Variants in ZSCAN5B observed in about 807,000 individuals in gnomAD.
ZSCAN5B encodes zinc finger and SCAN domain containing 5B.
In ZSCAN5B, 26 loss-of-function variants were observed where a neutral mutation model predicts 25.2. That is an observed-to-expected ratio of 1.03 (90% CI 0.76 to 1.43). ZSCAN5B has a LOEUF of 1.43. Among genes scored for constraint, ZSCAN5B ranks in the 40% most tolerant of loss-of-function variants. The probability of loss-of-function intolerance (pLI) is 0.00; values close to 1 mark genes in which losing one functional copy is unlikely to be tolerated. For missense variants in ZSCAN5B, 745 were observed against 622.1 expected, an observed-to-expected ratio of 1.20 and a Z score of -2.10; for synonymous variants, 244 against 240.9, an observed-to-expected ratio of 1.01 and a Z score of -0.12.
chr19:56,197,668 C>T (rs1249021678), intron 1 of ZSCAN5B, 66 bp downstream of exon 1: 1 of 916,490 alleles, frequency 1.1e-6, no homozygotes, highest in Non-Finnish European at 1.3e-6. Context: ...TAAACCCAAA[C>T]TTTCTGAAAC....
rs766938726 is a variant in ZSCAN5B at position 56,190,058 on chromosome 19, C to A, written c.1257G>T (p.Arg419=). Residue 419 remains arginine, a synonymous_variant, in exon 5 of 5, where the codon CGG becomes CGT. Coordinates refer to ENST00000586855, the Ensembl canonical transcript of ZSCAN5B. ...CCTGTAAGGTGGACTCGTGGGCGAACCGCTTTTGGCAGACGTCACACATGT... is the reference window on the plus strand; with the variant it reads ...CCTGTAAGGTGGACTCGTGGGCGAAACGCTTTTGGCAGACGTCACACATGT... The A allele has an allele frequency of 5.6e-6, 9 of 1,613,962 alleles. No homozygotes were observed. The Admixed American group carries it at 1.5e-4, about 27-fold the overall frequency.
In ZSCAN5B at chr19:56,192,856, G is replaced by GT. The variant is rs1409857642; in HGVS notation, c.196dup (p.Thr66AsnfsTer2). 6.2e-7 allele frequency: 1 copy of GT among 1,613,876 alleles called. No individual in the cohort carries two copies. The highest frequency in any genetic ancestry group is 8.5e-7 in the Non-Finnish European group (1 of 1,179,934). On this transcript the variant is annotated frameshift_variant, in exon 2 of 5. Transcript: ENST00000586855. LOFTEE classifies it high-confidence loss of function. ...CCTCAGCCACAGATGGCACAGCTCA[G>GT]TGAGTTTCCTCAGAGCCTGGATGGG...
intron 1 of ZSCAN5B, among the ~76,000 whole-genome samples, chr19:56,195,698 TG>T (rs1184041147): frequency 3.3e-5 from 5 of 152,116 alleles, no homozygotes; most frequent in Non-Finnish European, 7.4e-5. Context: ...TGACAGACGG[TG>T]GGAAGGTGGA....
At chr19:56,189,691 G>A (rs1408580217) in exon 5 of ZSCAN5B, 1 of 1,079,046 alleles carries the variant, frequency 9.3e-7, no homozygotes, top group African/African-American at 1.6e-5. Context: ...AAAACTCATG[G>A]GGGAGGATAA....
At chr19:56,197,658 T>C (rs1299130988) in intron 1 of ZSCAN5B, 76 bp downstream of exon 1, 2 of 851,430 alleles carry the variant, frequency 2.3e-6, no homozygotes, top group Middle Eastern at 6.0e-4. Flanking sequence ...CATGAGAAAA[T>C]AAACCCAAAC....
chr19:56,192,387 T>A (rs912098437), intron 2 of ZSCAN5B, among the ~76,000 whole-genome samples: 7 of 152,224 alleles, frequency 4.6e-5, no homozygotes, highest in African/African-American at 1.7e-4. Context: ...GATCCCTGCA[T>A]CTGATACCAA....
rs751179494 is a variant in ZSCAN5B, at chr19:56,190,188, G to C, written c.1127C>G (p.Ser376Ter). Residue 376 changes from serine (S) to a stop codon, truncating the protein, a stop_gained, in exon 5 of 5, where the codon TCA becomes TGA. Coordinates refer to ENST00000586855, the Ensembl canonical transcript of ZSCAN5B. LOFTEE classifies it low-confidence loss of function (END_TRUNC). ...TTGAAAGGGTCTGTCTCCTGTGTGT[G>C]ACCTCCTGTGGATGCTTAGCTGGGA... 6 of 1,614,042 alleles carry C rather than the reference G, an allele frequency of 3.7e-6. No homozygotes were observed. In the South Asian group the frequency reaches 5.5e-5, roughly 15 times the overall value.
intron 1 of ZSCAN5B, among the ~76,000 whole-genome samples, chr19:56,196,547 C>T (rs550065683): frequency 6.6e-5 from 10 of 152,166 alleles, no homozygotes; most frequent in East Asian, 1.9e-4. Flanking sequence ...TTGCACAATG[C>T]GTACACACCT....
rs1055577295 is a variant in ZSCAN5B, at chr19:56,192,824, G to T, written c.229C>A (p.Leu77Ile). The change falls in exon 2 of 5, where the codon CTC (leucine) becomes ATC (isoleucine). Residue 77 changes from leucine to isoleucine, a missense_variant. By Grantham distance (5) the Leu-to-Ile change is conservative. Transcript: ENST00000586855. ...TCCAGGATCTGCTCTTTGGTGTGGA[G>T]GTCGGGCCTCAGCCACAGATGGCAC... 14 of 1,612,688 alleles carry T rather than the reference G, an allele frequency of 8.7e-6. No homozygotes were observed. In the Admixed American group the frequency reaches 1.5e-4, roughly 17 times the overall value.
chr19:56,190,082 G>T lies in ZSCAN5B; in HGVS notation c.1233C>A (p.Tyr411Ter). ...ACCGCTTTTGGCAGACGTCACACATGTAGGGCCTCTCGCCAGTGTGGACTC... is the reference window on the plus strand; with the variant it reads ...ACCGCTTTTGGCAGACGTCACACATTTAGGGCCTCTCGCCAGTGTGGACTC... Residue 411 changes from tyrosine to a stop codon, truncating the protein, a stop_gained, in exon 5 of 5, where the codon TAC becomes TAA. Transcript: ENST00000586855. LOFTEE classifies it low-confidence loss of function (END_TRUNC). 1.9e-6 allele frequency: 3 copies of T among 1,614,066 alleles called. No homozygotes were observed. Among genetic ancestry groups the T allele is most frequent in the Non-Finnish European group, 2.5e-6 (3 of 1,179,940 alleles).
rs773600949 is a variant in ZSCAN5B, at chr19:56,190,209, TG to T, written c.1105del (p.Gln369SerfsTer2). The T allele has an allele frequency of 2.5e-6, 4 of 1,613,988 alleles. No homozygotes were observed. The highest frequency in any genetic ancestry group is 3.4e-6 in the Non-Finnish European group (4 of 1,180,002). On this transcript the variant is annotated frameshift_variant, in exon 5 of 5. Transcript: ENST00000586855. LOFTEE classifies it low-confidence loss of function (END_TRUNC). ...GTGTGACCTCCTGTGGATGCTTAGC[TG>T]GGAAAAATACTTAAATGATTTATTG... is the stretch of plus-strand genomic sequence containing the variant.
exon 3 of ZSCAN5B, chr19:56,192,046 A>G (rs757532980): frequency 6.2e-7 from 1 of 1,611,500 alleles, no homozygotes; most frequent in East Asian, 2.2e-5. Flanking sequence ...GAGCAAGTTG[A>G]CTATAGACTG....
chr19:56,194,978 GCAT>G (rs1439576315), intron 1 of ZSCAN5B, among the ~76,000 whole-genome samples: 3 of 152,116 alleles, frequency 2.0e-5, no homozygotes, highest in African/African-American at 7.2e-5. Context: ...TACTCTCCAG[GCAT>G]CAATTATCAC....
chr19:56,196,832 A>G (rs1001708609), intron 1 of ZSCAN5B, among the ~76,000 whole-genome samples: 6 of 152,198 alleles, frequency 3.9e-5, no homozygotes, highest in Non-Finnish European at 5.9e-5. Flanking sequence ...AGGCAGCCTG[A>G]AATTCTGGGA....
At chr19:56,192,731 C>G in exon 2 of ZSCAN5B, 3 of 1,600,864 alleles carry the variant, frequency 1.9e-6, no homozygotes, top group Non-Finnish European at 2.6e-6. Flanking sequence ...CTCTGCACAC[C>G]GTTCACCTTG....
At chr19:56,190,548 T>C in exon 5 of ZSCAN5B, 1 of 1,612,884 alleles carries the variant, frequency 6.2e-7, no homozygotes, top group South Asian at 1.1e-5. Context: ...TTTCTGGGGT[T>C]CCTTCCCCTC....
In ZSCAN5B at chr19:56,195,451, A is replaced by G. The variant is rs1389677886; in HGVS notation, c.-127-2272T>C. 4.6e-5 allele frequency among the ~76,000 whole-genome samples: 7 copies of G among 151,988 alleles called. No homozygotes were observed. In the East Asian group the frequency reaches 7.7e-4, roughly 17 times the overall value. On this transcript the variant is annotated intron_variant, in intron 1 of 4. Coordinates refer to ENST00000586855, the Ensembl canonical transcript of ZSCAN5B. ...CCACAAGGCACCCCTCACGCCTGCTAGAGTGGCTGTTCCCAAAAAGACACA... is the reference window on the plus strand; with the variant it reads ...CCACAAGGCACCCCTCACGCCTGCTGGAGTGGCTGTTCCCAAAAAGACACA...
At chr19:56,193,834 C>T (rs1383964508) in intron 1 of ZSCAN5B, among the ~76,000 whole-genome samples, 2 of 151,678 alleles carry the variant, frequency 1.3e-5, no homozygotes, top group Non-Finnish European at 2.9e-5. Context: ...TGGTGGCGGG[C>T]GTCTGTAGTC....
exon 5 of ZSCAN5B, chr19:56,189,860 G>C: frequency 1.2e-6 from 2 of 1,613,080 alleles, no homozygotes; most frequent in Non-Finnish European, 1.7e-6. Flanking sequence ...GTGTTTTCAG[G>C]TGACGCTTGA....
Sources: gnomAD v4.1 joint callset for allele counts (sites outside exome capture counted in the v4.1 genomes callset) on GRCh38, gnomAD v4.1.1 for gene constraint, MANE v1.5 for transcripts, NCBI Gene and HGNC (gene_info 2026-07-23, HGNC 2026-07-21) for gene names.